PPP2R3A: variants seen among roughly 807,000 people sequenced by gnomAD.
PPP2R3A encodes serine/threonine-protein phosphatase 2A regulatory subunit B'' subunit alpha.
PPP2R3A carries 80 observed loss-of-function variants against 106.9 expected under a neutral mutation model. That is an observed-to-expected ratio of 0.75 (90% CI 0.62 to 0.90). The LOEUF (loss-of-function observed/expected upper bound fraction) is 0.90, where lower values mean the gene tolerates loss of function less well. PPP2R3A is among the 40% of genes least tolerant of loss of function. The pLI is 0.00. For missense variants in PPP2R3A, 1,386 were observed against 1,350.4 expected, an observed-to-expected ratio of 1.03 and a Z score of -0.41; for synonymous variants, 483 against 468.3, an observed-to-expected ratio of 1.03 and a Z score of -0.41.
At chr3:136,061,926 C>CA (rs369373163) in intron 5 of PPP2R3A, among the ~76,000 whole-genome samples, 11,547 of 83,748 alleles carry the variant, frequency 0.14, 2,099 homozygotes, top group African/African-American at 0.36. Context: ...GACTCTATCT[C>CA]AAAAAAAAAA....
At chr3:136,063,521 C>T (rs1487029000) in intron 5 of PPP2R3A, among the ~76,000 whole-genome samples, 12 of 152,328 alleles carry the variant, frequency 7.9e-5, no homozygotes, top group South Asian at 4.1e-4. Context: ...GCAACCTACT[C>T]ATCTGACAAA....
At chr3:136,077,647 A>G (rs1286740162) in intron 6 of PPP2R3A, among the ~76,000 whole-genome samples, 3 of 152,140 alleles carry the variant, frequency 2.0e-5, no homozygotes, top group African/African-American at 4.8e-5. Context: ...GTGACCTCCT[A>G]CCTCCAGGAT....
intron 13 of PPP2R3A, among the ~76,000 whole-genome samples, chr3:136,112,138 T>C (rs1937602836): frequency 6.6e-6 from 1 of 152,052 alleles, no homozygotes; most frequent in East Asian, 1.9e-4. Flanking sequence ...CTAAGGAACA[T>C]ACCTCAAAAT....
intron 5 of PPP2R3A, among the ~76,000 whole-genome samples, chr3:136,069,378 ACCAGCCTGG>A: frequency 6.6e-6 from 1 of 152,262 alleles, no homozygotes; most frequent in African/African-American, 2.4e-5. Flanking sequence ...GTAGTTCAAG[ACCAGCCTGG>A]CCAGCATGGT....
intron 2 of PPP2R3A, among the ~76,000 whole-genome samples, chr3:136,018,499 G>A (rs899173873): frequency 6.6e-6 from 1 of 152,136 alleles, no homozygotes; most frequent in Non-Finnish European, 1.5e-5. Context: ...AGGGGGAAGG[G>A]CAAGGAATAA....
In PPP2R3A at chr3:136,103,349, A is replaced by G; in HGVS notation, c.3195A>G (p.Glu1065=). Reference sequence around the variant, plus strand: ...ATCTGGAGAAATACTTAGACCATGAACAGAGAGATCCCTTTGCGGTCCAGA... The same window carrying G: ...ATCTGGAGAAATACTTAGACCATGAGCAGAGAGATCCCTTTGCGGTCCAGA... ...FFNLEKYLDH[E]QRDPFAVQKD... Residue 1065 remains glutamate (E), a synonymous_variant, in exon 12 of 14, where the codon GAA becomes GAG. Coordinates refer to ENST00000264977, the MANE Select transcript of PPP2R3A (RefSeq NM_002718.5). The G allele has an allele frequency of 6.2e-7, 1 of 1,605,970 alleles. No individual in the cohort carries two copies. The highest frequency in any genetic ancestry group is 1.1e-5 in the South Asian group (1 of 90,598).
intron 5 of PPP2R3A, among the ~76,000 whole-genome samples, chr3:136,051,126 T>C (rs1328158864): frequency 6.6e-6 from 1 of 152,248 alleles, no homozygotes; most frequent in East Asian, 1.9e-4. Context: ...CTTGTTTTCG[T>C]ATCTAAATAT....
intron 11 of PPP2R3A, 144 bp from the exon 12 acceptor site, chr3:136,103,114 G>T: frequency 2.0e-6 from 1 of 503,126 alleles, no homozygotes; most frequent in Non-Finnish European, 3.5e-6. Context: ...CTTGAAAAAA[G>T]AAATGAGATT....
At chr3:136,120,177 C>G (rs960462748) in intron 13 of PPP2R3A, among the ~76,000 whole-genome samples, 1 of 151,954 alleles carries the variant, frequency 6.6e-6, no homozygotes, top group African/African-American at 2.4e-5. Context: ...AGGAGAAACA[C>G]CTAATGTGGA....
At chr3:136,021,256 A>G (rs1934454913) in intron 2 of PPP2R3A, among the ~76,000 whole-genome samples, 1 of 152,084 alleles carries the variant, frequency 6.6e-6, no homozygotes, top group Non-Finnish European at 1.5e-5. Flanking sequence ...CCCACCTCAA[A>G]GAATTAACAT....
chr3:136,036,482 A>C (rs890191905), intron 3 of PPP2R3A, among the ~76,000 whole-genome samples: 2 of 152,054 alleles, frequency 1.3e-5, no homozygotes, highest in African/African-American at 4.8e-5. Context: ...AGTGATTGTT[A>C]TCTCTCTTCT....
chr3:136,055,085 CCTTAA>C (rs1427477434), intron 5 of PPP2R3A: 2 of 426,746 alleles, frequency 4.7e-6, no homozygotes, highest in African/African-American at 3.9e-5. Flanking sequence ...AAGTATATTT[CCTTAA>C]CTTCAAGAAT....
chr3:136,117,724 G>T (rs1937829571), intron 13 of PPP2R3A, among the ~76,000 whole-genome samples: 1 of 152,094 alleles, frequency 6.6e-6, no homozygotes, highest in East Asian at 1.9e-4. Context: ...TGAAATTGAG[G>T]CAGTAATTAA....
At chr3:136,122,980 TAAAAC>T (rs1938054177) in intron 13 of PPP2R3A, among the ~76,000 whole-genome samples, 1 of 152,192 alleles carries the variant, frequency 6.6e-6, no homozygotes. Flanking sequence ...GAAAAAATCT[TAAAAC>T]TAAGCAAACT....
chr3:136,041,255 T>TTTG (rs1553747230), intron 4 of PPP2R3A, among the ~76,000 whole-genome samples: 12 of 121,086 alleles, frequency 9.9e-5, no homozygotes, highest in African/African-American at 4.0e-4. Flanking sequence ...TTTTTGTTTT[T>TTTG]TTTTTTGTTT....
intron 4 of PPP2R3A, among the ~76,000 whole-genome samples, chr3:136,041,793 T>G (rs921298743): frequency 6.6e-6 from 1 of 152,232 alleles, no homozygotes; most frequent in African/African-American, 2.4e-5. Flanking sequence ...TTTATCAAGC[T>G]TTTCCTGGAT....
At chr3:136,115,565 G>A (rs1214889278) in intron 13 of PPP2R3A, among the ~76,000 whole-genome samples, 2 of 151,726 alleles carry the variant, frequency 1.3e-5, no homozygotes, top group Non-Finnish European at 2.9e-5. Context: ...ATGACCTGAT[G>A]GAGCTGAAAC....
intron 6 of PPP2R3A, among the ~76,000 whole-genome samples, chr3:136,071,962 G>A (rs1411709650): frequency 6.6e-6 from 1 of 151,934 alleles, no homozygotes; most frequent in Non-Finnish European, 1.5e-5. Flanking sequence ...TATTTAGTGA[G>A]GCCCTCCCTG....
chr3:135,976,202 G>GT (rs1937417332), intron 1 of PPP2R3A, among the ~76,000 whole-genome samples: 1 of 145,778 alleles, frequency 6.9e-6, no homozygotes, highest in African/African-American at 2.5e-5. Context: ...AAGTATAACT[G>GT]TAAGTTTCGG....
Sources: gnomAD v4.1 joint callset for allele counts (sites outside exome capture counted in the v4.1 genomes callset) on GRCh38, gnomAD v4.1.1 for gene constraint, MANE v1.5 for transcripts, NCBI Gene and HGNC (gene_info 2026-07-23, HGNC 2026-07-21) for gene names.